The following ABR variants were observed in gnomAD, a reference collection of about 807,000 sequenced individuals.
The protein encoded by ABR is ABR activator of RhoGEF and GTPase.
ABR carries 35 observed loss-of-function variants against 107.2 expected under a neutral mutation model. The ratio of observed to expected loss-of-function variants is 0.33; its 90% CI spans 0.25 to 0.43. ABR has a LOEUF of 0.43. Ranked by LOEUF, ABR falls within the 20% of genes least tolerant of loss-of-function variation. ABR has a pLI of 1.00. For missense variants in ABR, 815 were observed against 1,115.2 expected (o/e 0.73, Z 3.83); for synonymous variants, 498 against 462.0 (o/e 1.08, Z -1.00).
chr17:1,181,497 C>T (rs1376596433), upstream of ABR, among the ~76,000 whole-genome samples: 2 of 152,186 alleles, frequency 1.3e-5, no homozygotes, highest in Admixed American at 6.5e-5. Flanking sequence ...AGCGCTGTCT[C>T]TTGCCGCCCC....
intron 9 of ABR, among the ~76,000 whole-genome samples, 185 bp downstream of exon 9, chr17:1,069,784 C>T (rs963470189): frequency 2.1e-5 from 3 of 139,810 alleles, no homozygotes; most frequent in African/African-American, 8.1e-5. Flanking sequence ...AGGTCAGGAC[C>T]CCCTCCCCCG....
chr17:1,040,705 G>A (rs969190106), intron 16 of ABR, among the ~76,000 whole-genome samples: 2 of 152,150 alleles, frequency 1.3e-5, no homozygotes, highest in Admixed American at 6.6e-5. Flanking sequence ...GGCAAACCAC[G>A]TACTGACTCC....
chr17:1,065,662 C>T (rs936880708), intron 10 of ABR, among the ~76,000 whole-genome samples: 3 of 151,960 alleles, frequency 2.0e-5, no homozygotes, highest in Admixed American at 6.6e-5. Context: ...CATTTCCAGA[C>T]AGCACTAAAC....
chr17:1,053,943 G>A (rs1316219199), intron 14 of ABR, among the ~76,000 whole-genome samples: 1 of 152,168 alleles, frequency 6.6e-6, no homozygotes, highest in African/African-American at 2.4e-5. Context: ...GGTCTGGAGA[G>A]AGTTCAGGAA....
intron 16 of ABR, among the ~76,000 whole-genome samples, chr17:1,042,399 G>A (rs915447827): frequency 1.3e-5 from 2 of 151,832 alleles, no homozygotes; most frequent in African/African-American, 2.4e-5. Context: ...TACATCCACG[G>A]ACGGATGGAT....
exon 1 of ABR, chr17:1,187,038 C>T (rs1345126618): frequency 1.3e-5 from 2 of 152,574 alleles, no homozygotes; most frequent in African/African-American, 4.8e-5. Context: ...CAGACGCATC[C>T]CAGGCCTACG....
At chr17:1,138,486 G>GT (rs1046481686) in intron 1 of ABR, among the ~76,000 whole-genome samples, 6 of 151,212 alleles carry the variant, frequency 4.0e-5, no homozygotes, top group South Asian at 2.1e-4. Context: ...TTTGTTTTTT[G>GT]TTTTTTTTAG....
At position 1,083,624 on chromosome 17, in the gene ABR, T is replaced by G; in HGVS notation, c.535A>C (p.Ser179Arg). 1 of 1,610,722 alleles carries G rather than the reference T, an allele frequency of 6.2e-7. No homozygotes were observed. Among genetic ancestry groups the G allele is most frequent in the Non-Finnish European group, 8.5e-7 (1 of 1,178,086 alleles). ...AACGCTTTGTACACACCGAGCTGGCTGGCCTGCAGGGAGGAGTCAGGGAAC... is the reference window on the plus strand; with the variant it reads ...AACGCTTTGTACACACCGAGCTGGCGGGCCTGCAGGGAGGAGTCAGGGAAC... ...TMGHLFQKLA[S>R]QLGVYKAFVD... The change falls in exon 5 of 23, where the codon AGC becomes CGC. Residue 179 changes from serine (S) to arginine (R), a missense_variant. Physicochemically the swap from Ser to Arg is moderately radical, Grantham distance 110. Around this residue, in one of 5 missense-constraint regions of ABR, gnomAD observed 385 missense variants for 596.9 expected, o/e 0.64. Coordinates refer to ENST00000302538, the MANE Select transcript of ABR (RefSeq NM_021962.5).
intron 1 of ABR, among the ~76,000 whole-genome samples, chr17:1,204,850 AATC>A (rs1283933339): frequency 6.6e-6 from 1 of 151,170 alleles, no homozygotes; most frequent in African/African-American, 2.4e-5. Flanking sequence ...ACAACAGTGA[AATC>A]ATCTACACAT....
At chr17:1,107,766 G>C (rs1019173688) in intron 2 of ABR, among the ~76,000 whole-genome samples, 3 of 152,202 alleles carry the variant, frequency 2.0e-5, no homozygotes, top group African/African-American at 7.2e-5. Context: ...GCCAGCACCA[G>C]ATCAGAGAAG....
chr17:1,024,434 G>A (rs1026278837), intron 16 of ABR, among the ~76,000 whole-genome samples: 1 of 152,136 alleles, frequency 6.6e-6, no homozygotes, highest in African/African-American at 2.4e-5. Flanking sequence ...GTCGCCCCTC[G>A]GCTAAGCCAC....
intron 1 of ABR, among the ~76,000 whole-genome samples, chr17:1,215,502 A>C (rs1936375014): frequency 6.6e-6 from 1 of 152,162 alleles, no homozygotes; most frequent in African/African-American, 2.4e-5. Context: ...CGGCCTCCCG[A>C]GGTGCCGGGA....
chr17:1,106,840 A>G (rs1372587332), intron 2 of ABR, among the ~76,000 whole-genome samples: 5 of 151,954 alleles, frequency 3.3e-5, no homozygotes, highest in Admixed American at 6.6e-5. Context: ...CACCCTGCCT[A>G]CTTCCGTACT....
rs117258079 is a variant in ABR, at chr17:1,040,660, G to A, written c.1791+9390C>T. Among the ~76,000 whole-genome samples, 20 of 152,310 alleles carry A rather than the reference G, an allele frequency of 1.3e-4. No homozygotes were observed. The East Asian group carries it at 3.9e-3, about 29-fold the overall frequency. Reference sequence around the variant, plus strand: ...GTGACACCCAGAACCACTGGAAGGGGGTGGGGGACAGGGTGCCTGAACCCG... The same window carrying A: ...GTGACACCCAGAACCACTGGAAGGGAGTGGGGGACAGGGTGCCTGAACCCG... On this transcript the variant is annotated intron_variant, in intron 16 of 22. Transcript: ENST00000302538.
intron 16 of ABR, among the ~76,000 whole-genome samples, chr17:1,029,381 G>A (rs2072521815): frequency 6.6e-6 from 1 of 152,088 alleles, no homozygotes; most frequent in Non-Finnish European, 1.5e-5. Flanking sequence ...CAGAGGCCCT[G>A]CACTATTTAA....
rs1008701917 is a variant in ABR, at chr17:1,010,922, C to T, written c.2102-59G>A. On this transcript the variant is annotated intron_variant, in intron 19 of 22. Coordinates refer to ENST00000302538, the MANE Select transcript of ABR (RefSeq NM_021962.5). This position sits in a 1 kb window ranked among gnomAD's most constrained non-coding sequence, Gnocchi z 4.1. Reference sequence around the variant, plus strand: ...GCTGGGCCAGCAGCCCCGTTCCACCCCCGACCCATCCTGACACAGCCCCCA... The same window carrying T: ...GCTGGGCCAGCAGCCCCGTTCCACCTCCGACCCATCCTGACACAGCCCCCA... The T allele has an allele frequency of 2.5e-6, 4 of 1,599,784 alleles. No individual in the cohort carries two copies. The highest frequency in any genetic ancestry group is 2.7e-5 in the African/African-American group (2 of 74,782).
chr17:1,137,722 T>G (rs1420268507), intron 1 of ABR, among the ~76,000 whole-genome samples: 1 of 152,030 alleles, frequency 6.6e-6, no homozygotes, highest in Non-Finnish European at 1.5e-5. Context: ...AAACGCAGCA[T>G]CTTTGAAGCT....
chr17:1,012,637 G>A (rs2070717926), intron 18 of ABR, 51 bp downstream of exon 18: 5 of 1,409,348 alleles, frequency 3.5e-6, no homozygotes, highest in Non-Finnish European at 2.9e-6. Flanking sequence ...CCGGGCTGGG[G>A]GGGACCCGGG....
chr17:1,058,383 G>A (rs555290158), intron 11 of ABR, among the ~76,000 whole-genome samples: 1 of 152,048 alleles, frequency 6.6e-6, no homozygotes, highest in African/African-American at 2.4e-5. Context: ...CAGGTGATTC[G>A]CCTGCCTCAG....
Sources: allele counts gnomAD v4.1 joint callset (sites outside exome capture counted in the v4.1 genomes callset), GRCh38; gene constraint gnomAD v4.1.1; regional missense constraint gnomAD v4.1.1; non-coding constraint Gnocchi (gnomAD v3.1); transcripts MANE v1.5; gene names NCBI Gene and HGNC (gene_info 2026-07-23, HGNC 2026-07-21).